CACNA1D: variants seen among roughly 807,000 people sequenced by gnomAD.
CACNA1D encodes the protein voltage-dependent L-type calcium channel subunit alpha-1D.
Under a neutral mutation model 257.1 loss-of-function variants are expected in CACNA1D, and 55 were observed. The observed-to-expected ratio is 0.21, with a 90% confidence interval of 0.17 to 0.27. The LOEUF is 0.27. CACNA1D is among the 10% of genes least tolerant of loss of function. CACNA1D has a pLI of 1.00. For missense variants in CACNA1D, 1,876 were observed against 2,784.0 expected, an observed-to-expected ratio of 0.67 and a Z score of 7.34; for synonymous variants, 980 against 1,014.9, an observed-to-expected ratio of 0.97 and a Z score of 0.65.
chr3:53,553,147 T>C (rs572130310), intron 3 of CACNA1D, among the ~76,000 whole-genome samples: 28 of 152,358 alleles, frequency 1.8e-4, no homozygotes, highest in African/African-American at 6.5e-4. Context: ...TAATGCTGTT[T>C]TACTTATGTT....
Position 53,786,803 on chromosome 3 carries a change from G to A in CACNA1D, c.4793-19G>A. 6.4e-7 allele frequency: 1 copy of A among 1,557,920 alleles called. No individual in the cohort carries two copies. The highest frequency in any genetic ancestry group is 8.7e-7 in the Non-Finnish European group (1 of 1,146,464). On this transcript the variant is annotated intron_variant, in intron 39 of 47. Transcript: ENST00000350061. ...TAATGTGCTGATTCGGGAGAGCTCT[G>A]TCTGGTCTCTCCGTTTAGATGATGA...
chr3:53,509,617 G>A (rs1241441834), intron 3 of CACNA1D, among the ~76,000 whole-genome samples: 1 of 152,176 alleles, frequency 6.6e-6, no homozygotes, highest in Non-Finnish European at 1.5e-5. Flanking sequence ...AGGGAGGGCG[G>A]GGAGGCAGGT....
chr3:53,506,248 T>C (rs1464464308), intron 3 of CACNA1D, among the ~76,000 whole-genome samples: 1 of 152,198 alleles, frequency 6.6e-6, no homozygotes, highest in Non-Finnish European at 1.5e-5. Context: ...CTCTGATACT[T>C]GTCCACTCCC....
intron 3 of CACNA1D, among the ~76,000 whole-genome samples, chr3:53,635,311 T>G (rs905622939): frequency 6.6e-6 from 1 of 152,104 alleles, no homozygotes; most frequent in Non-Finnish European, 1.5e-5. Flanking sequence ...GACTTCACAT[T>G]CCTCACACTG....
intron 3 of CACNA1D, among the ~76,000 whole-genome samples, chr3:53,557,557 T>G (rs2092669853): frequency 6.6e-6 from 1 of 152,238 alleles, no homozygotes; most frequent in South Asian, 2.1e-4. Flanking sequence ...AGAAAAAGTA[T>G]GAAGTTTAGG....
Position 53,793,832 on chromosome 3 carries a change from G to C in CACNA1D, c.4924-6417G>C, listed in dbSNP as rs2095495655. On this transcript the variant is annotated intron_variant, in intron 40 of 47. Transcript: ENST00000350061. The surrounding 1 kb of genome is among the most constrained non-coding windows in gnomAD (Gnocchi z 4.1). The stretch of plus-strand genomic sequence containing the variant: ...CGCTGTCGTTTCTCTTAAAGCCTTG[G>C]CAGAGAAGTGTAGCTTCTAGTGTAG... Among the ~76,000 whole-genome samples, 1 of 152,226 alleles carries C rather than the reference G, an allele frequency of 6.6e-6. No individual in the cohort carries two copies. Among genetic ancestry groups the C allele is most frequent in the East Asian group, 1.9e-4 (1 of 5,200 alleles).
At chr3:53,716,457 T>G (rs1037170583) in intron 9 of CACNA1D, among the ~76,000 whole-genome samples, 1 of 152,246 alleles carries the variant, frequency 6.6e-6, no homozygotes, top group African/African-American at 2.4e-5. Flanking sequence ...TTCTGCTGAA[T>G]CAGAGTGAGG....
At chr3:53,671,213 C>T (rs1360758092) in intron 7 of CACNA1D, among the ~76,000 whole-genome samples, 1 of 152,244 alleles carries the variant, frequency 6.6e-6, no homozygotes, top group Non-Finnish European at 1.5e-5. Context: ...TTCTCTGGAA[C>T]ACCAGACTGA....
chr3:53,776,784 C>CT, intron 36 of CACNA1D, 54 bp downstream of exon 36: 1 of 1,613,952 alleles, frequency 6.2e-7, no homozygotes, highest in African/African-American at 1.3e-5. Flanking sequence ...GGAATGTCAG[C>CT]TTTTTTTGTG....
intron 14 of CACNA1D, among the ~76,000 whole-genome samples, chr3:53,725,717 G>A (rs1490608333): frequency 1.3e-5 from 2 of 152,146 alleles, no homozygotes; most frequent in Non-Finnish European, 2.9e-5. Flanking sequence ...ATGACTCAGA[G>A]CCATCAGTAG....
chr3:53,594,552 T>C (rs964282840), intron 3 of CACNA1D, among the ~76,000 whole-genome samples: 6 of 152,054 alleles, frequency 3.9e-5, no homozygotes, highest in African/African-American at 1.4e-4. Context: ...CTGCCTCCTG[T>C]AGGAAAGAAA....
In CACNA1D at chr3:53,745,883, T is replaced by C; in HGVS notation, c.3167+8T>C. On this transcript the variant is annotated splice_region_variant and intron_variant, in intron 25 of 47. Transcript: ENST00000350061. ...TAACCCTGAAGAATGCAGGTGAGCG[T>C]CCTGAGAGTGGAGTAGGGGACTTAG... is the stretch of plus-strand genomic sequence containing the variant. The C allele has an allele frequency of 6.2e-7, 1 of 1,609,976 alleles. No homozygotes were observed. The highest frequency in any genetic ancestry group is 2.2e-5 in the East Asian group (1 of 44,856).
At position 53,738,195 on chromosome 3, in the gene CACNA1D, AC is replaced by A. The variant is rs370617171; in HGVS notation, c.2752-2083del. Among the ~76,000 whole-genome samples, 140 of 152,322 alleles carry A rather than the reference AC, an allele frequency of 9.2e-4. 1 individual carries two copies. The highest frequency in any genetic ancestry group is 1.6e-3 in the Non-Finnish European group (111 of 68,030). ...GTTAGAGATTTTAGGGTTAAGACACACCTGCAGATCTGTGCCTCCAGGACTC... is the reference window on the plus strand; with the variant it reads ...GTTAGAGATTTTAGGGTTAAGACACACTGCAGATCTGTGCCTCCAGGACTC... On this transcript the variant is annotated intron_variant, in intron 20 of 47. Transcript: ENST00000350061.
chr3:53,716,303 A>C (rs773355857), intron 9 of CACNA1D, among the ~76,000 whole-genome samples: 19 of 152,234 alleles, frequency 1.2e-4, no homozygotes, highest in Non-Finnish European at 2.5e-4. Context: ...TGGGTTCCCC[A>C]CATCATACTG....
intron 45 of CACNA1D, 118 bp from the exon 46 acceptor site, chr3:53,808,531 A>G: frequency 7.9e-7 from 1 of 1,257,996 alleles, no homozygotes; most frequent in South Asian, 1.2e-5. Context: ...TCTCTTGGAC[A>G]AACCGCATGC....
At chr3:53,570,945 G>C (rs1452616729) in intron 3 of CACNA1D, among the ~76,000 whole-genome samples, 1 of 152,226 alleles carries the variant, frequency 6.6e-6, no homozygotes, top group East Asian at 1.9e-4. Context: ...GTCCAGCCAG[G>C]GTCAAGTGGA....
At chr3:53,603,834 G>A (rs984084004) in intron 3 of CACNA1D, among the ~76,000 whole-genome samples, 11 of 152,104 alleles carry the variant, frequency 7.2e-5, no homozygotes, top group African/African-American at 2.7e-4. Context: ...AGGGATACGG[G>A]GTACTCAGGA....
At chr3:53,703,007 G>A (rs2094643063) in intron 9 of CACNA1D, among the ~76,000 whole-genome samples, 197 bp downstream of exon 9, 1 of 152,210 alleles carries the variant, frequency 6.6e-6, no homozygotes. Context: ...CTGAGGTTTG[G>A]GGTTTAGAGT....
intron 3 of CACNA1D, among the ~76,000 whole-genome samples, chr3:53,587,138 G>A (rs1423925721): frequency 6.6e-6 from 1 of 152,192 alleles, no homozygotes; most frequent in African/African-American, 2.4e-5. Context: ...GGACTGATGT[G>A]GGTTTTAGAA....
Sources: gnomAD v4.1 joint callset for allele counts (sites outside exome capture counted in the v4.1 genomes callset) on GRCh38, gnomAD v4.1.1 for gene constraint, Gnocchi (gnomAD v3.1) non-coding constraint, MANE v1.5 for transcripts, NCBI Gene and HGNC (gene_info 2026-07-23, HGNC 2026-07-21) for gene names.